Variants in NUCKS1 observed in about 807,000 individuals in gnomAD.
NUCKS1 encodes the protein nuclear casein kinase and cyclin dependent kinase substrate 1.
A neutral mutation model predicts 33.0 loss-of-function variants in NUCKS1; 2 were observed. The ratio of observed to expected loss-of-function variants is 0.06; its 90% CI spans 0.02 to 0.19. NUCKS1 has a LOEUF of 0.19. Ranked by LOEUF, NUCKS1 falls within the 10% of genes least tolerant of loss-of-function variation. The pLI is 1.00. For synonymous variants in NUCKS1, 106 were observed against 102.8 expected, an observed-to-expected ratio of 1.03 and a Z score of -0.19; for missense variants, 201 against 293.6, an observed-to-expected ratio of 0.68 and a Z score of 2.31.
chr1:205,746,449 T>TCACA (rs1443830898), intron 1 of NUCKS1, among the ~76,000 whole-genome samples: 18 of 108,078 alleles, frequency 1.7e-4, no homozygotes, highest in African/African-American at 5.5e-4. Flanking sequence ...TCTCTCTCTC[T>TCACA]CTCTCACACA....
chr1:205,726,279 G>T (rs139926386), intron 3 of NUCKS1, among the ~76,000 whole-genome samples: 1 of 152,158 alleles, frequency 6.6e-6, no homozygotes, highest in East Asian at 1.9e-4. Flanking sequence ...ACTTTGGGAC[G>T]CTGAGATGGG....
At chr1:205,740,821 GTATATA>G (rs10535162) in intron 1 of NUCKS1, among the ~76,000 whole-genome samples, 2 of 145,258 alleles carry the variant, frequency 1.4e-5, no homozygotes, top group African/African-American at 5.1e-5. Context: ...CTCCTACTAA[GTATATA>G]TATATATATA....
intron 1 of NUCKS1, among the ~76,000 whole-genome samples, chr1:205,739,557 G>C (rs1296673161): frequency 1.3e-5 from 2 of 151,972 alleles, no homozygotes; most frequent in African/African-American, 4.8e-5. Context: ...ACAGCAATGT[G>C]GACCTCCTGG....
chr1:205,740,008 T>TTTG (rs1261279434), intron 1 of NUCKS1, among the ~76,000 whole-genome samples: 4 of 140,484 alleles, frequency 2.8e-5, no homozygotes, highest in African/African-American at 5.2e-5. Context: ...TTTTTTTTTT[T>TTTG]TTTTTTTTTT....
At chr1:205,743,552 T>G (rs986063191) in intron 1 of NUCKS1, among the ~76,000 whole-genome samples, 4 of 152,192 alleles carry the variant, frequency 2.6e-5, no homozygotes, top group Admixed American at 6.5e-5. Flanking sequence ...CGTTAAACCT[T>G]TTTCAAATGC....
At chr1:205,722,499 C>A (rs1671940246) in intron 4 of NUCKS1, among the ~76,000 whole-genome samples, 1 of 152,226 alleles carries the variant, frequency 6.6e-6, no homozygotes, top group South Asian at 2.1e-4. Context: ...TCAGGTGATC[C>A]ACCTGCCTTG....
chr1:205,747,203 T>C (rs1045270540), intron 1 of NUCKS1, among the ~76,000 whole-genome samples: 6 of 152,162 alleles, frequency 3.9e-5, no homozygotes, highest in African/African-American at 7.2e-5. Context: ...TTGGGAAATC[T>C]AGGTTCTCAG....
At chr1:205,722,424 T>C (rs1011695292) in intron 4 of NUCKS1, among the ~76,000 whole-genome samples, 2 of 152,144 alleles carry the variant, frequency 1.3e-5, no homozygotes, top group Admixed American at 6.5e-5. Context: ...ACCCGGCTAA[T>C]TTTTTTATTT....
At chr1:205,728,905 CAGG>C (rs1293252295) in intron 2 of NUCKS1, among the ~76,000 whole-genome samples, 2 of 151,978 alleles carry the variant, frequency 1.3e-5, no homozygotes, top group African/African-American at 4.8e-5. Context: ...GTAGTAACAG[CAGG>C]AGATTTTTTT....
chr1:205,721,313 A>G (rs1330487521), intron 4 of NUCKS1, among the ~76,000 whole-genome samples: 2 of 152,106 alleles, frequency 1.3e-5, no homozygotes, highest in African/African-American at 4.8e-5. Flanking sequence ...TATAAAGGGG[A>G]CCTAAATTCA....
chr1:205,750,081 C>T lies in NUCKS1; in HGVS notation c.-108G>A. 1.9e-6 allele frequency: 2 copies of T among 1,079,598 alleles called. No individual in the cohort carries two copies. Among genetic ancestry groups the T allele is most frequent in the South Asian group, 1.4e-5 (1 of 73,172 alleles). 66.9% of individuals were successfully genotyped at this position (1,079,598 alleles called of 1,614,324 possible). The stretch of plus-strand genomic sequence containing the variant: ...CGAACTTCAGCCGATGGGACCGCTG[C>T]TGCCGAACCCCGAGCTGCTGGCTTC... On this transcript the variant is annotated 5_prime_UTR_variant, in exon 1 of 7. Transcript: ENST00000367142.
intron 6 of NUCKS1, among the ~76,000 whole-genome samples, chr1:205,719,032 C>T (rs1241707489): frequency 3.9e-5 from 6 of 152,154 alleles, no homozygotes; most frequent in South Asian, 2.1e-4. Context: ...CTAGCTCCAA[C>T]GAGGAGAAAC....
intron 6 of NUCKS1, among the ~76,000 whole-genome samples, chr1:205,718,721 T>C (rs1671870865): frequency 6.6e-6 from 1 of 152,138 alleles, no homozygotes; most frequent in Non-Finnish European, 1.5e-5. Context: ...CAACACTCTA[T>C]GATGTTAGCA....
intron 3 of NUCKS1, 81 bp downstream of exon 3, chr1:205,727,619 C>G: frequency 3.2e-6 from 3 of 934,738 alleles, no homozygotes; most frequent in Non-Finnish European, 5.3e-6. Flanking sequence ...ATATGAGATT[C>G]CAACAATTTA....
intron 1 of NUCKS1, among the ~76,000 whole-genome samples, chr1:205,747,650 C>T (rs1654364341): frequency 1.3e-5 from 2 of 152,152 alleles, no homozygotes; most frequent in South Asian, 2.1e-4. Flanking sequence ...GGCAGAAATA[C>T]CCCAAAAGAC....
At chr1:205,741,630 G>T (rs1654178298) in intron 1 of NUCKS1, among the ~76,000 whole-genome samples, 1 of 152,202 alleles carries the variant, frequency 6.6e-6, no homozygotes, top group East Asian at 1.9e-4. Context: ...AAGCACATCA[G>T]AGAAGTGTGA....
At chr1:205,721,500 GT>G (rs1485138656) in intron 4 of NUCKS1, among the ~76,000 whole-genome samples, 2 of 152,150 alleles carry the variant, frequency 1.3e-5, no homozygotes, top group African/African-American at 4.8e-5. Context: ...TATGTTCACT[GT>G]TTTTGAAAGC....
rs954378565 is a variant in NUCKS1, at chr1:205,713,244, A to G, written c.*5036T>C. 6.6e-6 allele frequency: 1 copy of G among 152,158 alleles called. No individual in the cohort carries two copies. The highest frequency in any genetic ancestry group is 1.5e-5 in the Non-Finnish European group (1 of 68,042). The allele number at this position is 152,158 out of a possible 1,614,324, so 9.4% of individuals were successfully genotyped here. A position where few individuals can be genotyped will look rare whatever the true frequency, so the allele number is the denominator to read the frequency against. Reference sequence around the variant, plus strand: ...CCATTTTTAAACAAAACAAAAAAAAAGTTTACAAAAGAAAAAAAGATACAG... The same window carrying G: ...CCATTTTTAAACAAAACAAAAAAAAGGTTTACAAAAGAAAAAAAGATACAG... On this transcript the variant is annotated 3_prime_UTR_variant, in exon 7 of 7. Coordinates refer to ENST00000367142, the MANE Select transcript of NUCKS1 (RefSeq NM_022731.5).
chr1:205,720,430 G>T, intron 5 of NUCKS1, 71 bp downstream of exon 5: 2 of 1,519,062 alleles, frequency 1.3e-6, no homozygotes, highest in Non-Finnish European at 1.8e-6. Flanking sequence ...CCTAGAAAAT[G>T]CCAAAGTAAC....
Sources: gnomAD v4.1 joint callset for allele counts (sites outside exome capture counted in the v4.1 genomes callset) on GRCh38, gnomAD v4.1.1 for gene constraint, MANE v1.5 for transcripts, NCBI Gene and HGNC (gene_info 2026-07-23, HGNC 2026-07-21) for gene names.